Variants in GRIK1 observed in about 807,000 individuals in gnomAD.
The protein encoded by GRIK1 is glutamate ionotropic receptor kainate type subunit 1, also known as glutamate receptor ionotropic, kainate 1.
Under a neutral mutation model 105.7 loss-of-function variants are expected in GRIK1, and 69 were observed. The observed-to-expected ratio is 0.65, with a 90% CI of 0.54 to 0.80. The LOEUF is 0.80. GRIK1 is among the 30% of genes least tolerant of loss of function. GRIK1 has a pLI of 0.00. For synonymous variants in GRIK1, 438 were observed against 431.3 expected (o/e 1.02, Z -0.19); for missense variants, 1,109 against 1,167.3 (o/e 0.95, Z 0.73).
intron 1 of GRIK1, among the ~76,000 whole-genome samples, chr21:29,906,104 C>T (rs1039201341): frequency 6.6e-6 from 1 of 151,912 alleles, no homozygotes; most frequent in Non-Finnish European, 1.5e-5. Flanking sequence ...TACAGCAATT[C>T]GTTTTTTCAA....
intron 1 of GRIK1, among the ~76,000 whole-genome samples, chr21:29,722,551 G>A (rs1355676289): frequency 6.9e-6 from 1 of 145,634 alleles, no homozygotes; most frequent in Non-Finnish European, 1.5e-5. Flanking sequence ...GAGAGACTCT[G>A]TCTCAAAAAA....
intron 7 of GRIK1, among the ~76,000 whole-genome samples, chr21:29,641,032 T>C (rs1199856680): frequency 6.6e-6 from 1 of 152,230 alleles, no homozygotes; most frequent in African/African-American, 2.4e-5. Context: ...GAGAATAGTA[T>C]TTCAGATGCT....
chr21:29,913,422 C>T (rs992402773), intron 1 of GRIK1, among the ~76,000 whole-genome samples: 9 of 151,954 alleles, frequency 5.9e-5, no homozygotes, highest in African/African-American at 2.2e-4. Flanking sequence ...GAAGAAAGAG[C>T]ATTTTTAATA....
chr21:29,898,760 A>T (rs929885292), intron 1 of GRIK1, among the ~76,000 whole-genome samples: 10 of 152,252 alleles, frequency 6.6e-5, no homozygotes, highest in Non-Finnish European at 1.5e-4. Flanking sequence ...GAAAAAATGC[A>T]TATGAAATTG....
intron 7 of GRIK1, among the ~76,000 whole-genome samples, chr21:29,626,386 C>A (rs2062130602): frequency 6.6e-6 from 1 of 152,210 alleles, no homozygotes; most frequent in Non-Finnish European, 1.5e-5. Flanking sequence ...GTTTCCAACA[C>A]ATGAACTCTG....
At chr21:29,684,758 C>T (rs1185528165) in intron 3 of GRIK1, among the ~76,000 whole-genome samples, 3 of 152,140 alleles carry the variant, frequency 2.0e-5, no homozygotes, top group African/African-American at 7.2e-5. Flanking sequence ...GATCCACCTG[C>T]CTTGGCCTTC....
At chr21:29,748,486 G>A (rs2065100733) in intron 1 of GRIK1, among the ~76,000 whole-genome samples, 1 of 152,188 alleles carries the variant, frequency 6.6e-6, no homozygotes, top group Admixed American at 6.5e-5. Context: ...TAACCCAAAT[G>A]CATGGCTCCT....
At position 29,859,564 on chromosome 21, in the gene GRIK1, C is replaced by T. The variant is rs368509649; in HGVS notation, c.118+79819G>A. Among the ~76,000 whole-genome samples the T allele has an allele frequency of 7.2e-5, 11 of 152,344 alleles. No homozygotes were observed. The East Asian group carries it at 1.9e-3, about 27-fold the overall frequency. ...ACTTGAATGTAGGGGGCACTCCCGTCTCCTCACACTGGGAAGGTAAGACTG... is the reference window on the plus strand; with the variant it reads ...ACTTGAATGTAGGGGGCACTCCCGTTTCCTCACACTGGGAAGGTAAGACTG... On this transcript the variant is annotated intron_variant, in intron 1 of 17. Transcript: ENST00000327783.
intron 7 of GRIK1, among the ~76,000 whole-genome samples, chr21:29,640,603 A>G (rs1302607834): frequency 6.6e-6 from 1 of 152,050 alleles, no homozygotes; most frequent in Non-Finnish European, 1.5e-5. Context: ...GGAGCTCATT[A>G]TTTCTTTAAA....
At chr21:29,727,451 C>A (rs1474581543) in intron 1 of GRIK1, among the ~76,000 whole-genome samples, 2 of 152,070 alleles carry the variant, frequency 1.3e-5, no homozygotes, top group African/African-American at 4.8e-5. Flanking sequence ...GTGCTGTCTG[C>A]AGTAGAAACC....
chr21:29,718,024 C>T lies in GRIK1; in HGVS notation c.119-23961G>A, dbSNP rs376960317. ...TCTGATGGTTTTATAAGGGACATTT[C>T]CCCCTTTGCTTGGTACTTCTCCTTC... is the stretch of plus-strand genomic sequence containing the variant. On this transcript the variant is annotated intron_variant, in intron 1 of 17. Transcript: ENST00000327783. Among the ~76,000 whole-genome samples the T allele has an allele frequency of 1.3e-4, 20 of 152,234 alleles. No individual in the cohort carries two copies. The East Asian group carries it at 1.9e-3, about 15-fold the overall frequency.
intron 1 of GRIK1, among the ~76,000 whole-genome samples, chr21:29,840,416 A>G (rs1296598072): frequency 2.0e-5 from 3 of 152,258 alleles, no homozygotes; most frequent in South Asian, 2.1e-4. Flanking sequence ...TAGTCTATAA[A>G]TAGCTTTGTC....
intron 13 of GRIK1, among the ~76,000 whole-genome samples, chr21:29,578,983 G>A (rs2090956979): frequency 6.6e-6 from 1 of 151,968 alleles, no homozygotes. Flanking sequence ...TTCATTATTT[G>A]GTTGCATATG....
intron 1 of GRIK1, among the ~76,000 whole-genome samples, chr21:29,858,605 C>A (rs550066865): frequency 6.6e-6 from 1 of 152,080 alleles, no homozygotes; most frequent in East Asian, 1.9e-4. Flanking sequence ...CACAGCATTG[C>A]CTTTTACAAC....
At chr21:29,931,060 T>G (rs1352220617) in intron 1 of GRIK1, among the ~76,000 whole-genome samples, 2 of 152,222 alleles carry the variant, frequency 1.3e-5, no homozygotes, top group African/African-American at 4.8e-5. Flanking sequence ...CAAGTTCACA[T>G]GTACTCCACA....
At chr21:29,905,989 AGT>A (rs1212522852) in intron 1 of GRIK1, among the ~76,000 whole-genome samples, 1 of 151,258 alleles carries the variant, frequency 6.6e-6, no homozygotes, top group African/African-American at 2.4e-5. Flanking sequence ...TGCCCGGTGG[AGT>A]GTGTGTATGC....
At chr21:29,763,755 C>T (rs1164314141) in intron 1 of GRIK1, 1 of 152,182 alleles carries the variant, frequency 6.6e-6, no homozygotes, top group Non-Finnish European at 1.5e-5. Flanking sequence ...GACAGTGAAA[C>T]ATTGCCTTAG....
intron 1 of GRIK1, among the ~76,000 whole-genome samples, chr21:29,876,956 T>G (rs1435623426): frequency 6.6e-6 from 1 of 152,130 alleles, no homozygotes; most frequent in African/African-American, 2.4e-5. Context: ...TCAAAGGATG[T>G]AAATAAAATG....
chr21:29,813,003 TTTC>T (rs1347688265), intron 1 of GRIK1, among the ~76,000 whole-genome samples: 1 of 152,122 alleles, frequency 6.6e-6, no homozygotes, highest in African/African-American at 2.4e-5. Context: ...GTTGCAGCCT[TTTC>T]TGTGCATTAG....
Sources: allele counts gnomAD v4.1 joint callset (sites outside exome capture counted in the v4.1 genomes callset), GRCh38; gene constraint gnomAD v4.1.1; transcripts MANE v1.5; gene names NCBI Gene and HGNC (gene_info 2026-07-23, HGNC 2026-07-21).